The following LRRTM4 variants were observed in gnomAD, a reference collection of about 807,000 sequenced individuals.
The protein encoded by LRRTM4 is leucine-rich repeat transmembrane neuronal protein 4.
Under a neutral mutation model 47.6 loss-of-function variants are expected in LRRTM4, and 25 were observed. That is an observed-to-expected ratio of 0.53 (90% CI 0.38 to 0.73). The LOEUF is 0.73. LRRTM4 is among the 30% of genes least tolerant of loss of function. The probability of loss-of-function intolerance (pLI) is 0.00; values close to 1 mark genes in which losing one functional copy is unlikely to be tolerated. For synonymous variants in LRRTM4, 311 were observed against 269.5 expected (o/e 1.15, Z -1.51); for missense variants, 638 against 713.4 (o/e 0.89, Z 1.20).
Position 77,518,479 on chromosome 2 carries a change from T to G in LRRTM4, c.1390A>C (p.Lys464Gln). 1.2e-6 allele frequency: 2 copies of G among 1,613,420 alleles called. No individual in the cohort carries two copies. Among genetic ancestry groups the G allele is most frequent in the Non-Finnish European group, 1.7e-6 (2 of 1,179,624 alleles). Reference protein sequence around the residue: ...MKQLQQHSLMKRRRKKARESE... With the variant: ...MKQLQQHSLMQRRRKKARESE... ...TCTCTGGCCTTTTTCCGCCGCCTCT[T>G]CATAAGAGAGTGTTGCTGGAGTTGT... is the stretch of plus-strand genomic sequence containing the variant. The change falls in exon 3 of 4, where the codon AAG (lysine) becomes CAG (glutamine). Residue 464 changes from lysine to glutamine, a missense_variant. Lys to Gln is a moderately conservative substitution (Grantham distance 53). Coordinates refer to ENST00000409884, the MANE Select transcript of LRRTM4 (RefSeq NM_001134745.3).
intron 3 of LRRTM4, among the ~76,000 whole-genome samples, chr2:77,254,533 G>A (rs6721709): frequency 0.12 from 18,665 of 151,690 alleles, 3,839 homozygotes; most frequent in African/African-American, 0.42. Flanking sequence ...TAGATAAAAT[G>A]GATCTTTCAC....
At chr2:77,226,975 C>T (rs1674832076) in intron 3 of LRRTM4, among the ~76,000 whole-genome samples, 1 of 151,924 alleles carries the variant, frequency 6.6e-6, no homozygotes, top group Admixed American at 6.6e-5. Context: ...CAATATGTTG[C>T]CTTATACTCT....
chr2:76,871,034 T>G (rs900578499), intron 3 of LRRTM4, among the ~76,000 whole-genome samples: 4 of 152,176 alleles, frequency 2.6e-5, no homozygotes, highest in Admixed American at 6.6e-5. Context: ...CACAATTAGG[T>G]TGCAAAGCAG....
chr2:77,128,142 CA>C (rs112254712), intron 3 of LRRTM4, among the ~76,000 whole-genome samples: 11 of 142,936 alleles, frequency 7.7e-5, no homozygotes, highest in East Asian at 2.0e-4. Context: ...GACTCTGTCT[CA>C]AAAAAAAAAA....
chr2:76,906,919 T>G (rs1248432319), intron 3 of LRRTM4, among the ~76,000 whole-genome samples: 2 of 151,614 alleles, frequency 1.3e-5, no homozygotes, highest in Non-Finnish European at 2.9e-5. Context: ...CACCCCACTG[T>G]CAACATTAGA....
At chr2:77,243,181 G>A (rs985385476) in intron 3 of LRRTM4, among the ~76,000 whole-genome samples, 2 of 152,124 alleles carry the variant, frequency 1.3e-5, no homozygotes, top group Non-Finnish European at 2.9e-5. Context: ...GGGAGGCCGA[G>A]GCGGGTGGAT....
At chr2:76,904,977 G>C (rs1400731487) in intron 3 of LRRTM4, among the ~76,000 whole-genome samples, 1 of 152,090 alleles carries the variant, frequency 6.6e-6, no homozygotes, top group East Asian at 1.9e-4. Context: ...ATTTCCATCT[G>C]AGCATTGAAG....
At chr2:77,478,350 G>A (rs762675644) in intron 3 of LRRTM4, among the ~76,000 whole-genome samples, 5 of 152,148 alleles carry the variant, frequency 3.3e-5, no homozygotes, top group Admixed American at 6.5e-5. Context: ...GACGTAGCTC[G>A]GGTTTCACAA....
Position 76,899,287 on chromosome 2 carries a change from T to C in LRRTM4, c.1552-150371A>G, listed in dbSNP as rs558004458. ...TGCCCTCATGAAACTTAAATTCTAT[T>C]GGAGGGAGAGAAAGACTAATAAACC... On this transcript the variant is annotated intron_variant, in intron 3 of 3. Transcript: ENST00000409884. Among the ~76,000 whole-genome samples the C allele has an allele frequency of 6.1e-5, 9 of 148,360 alleles. No individual in the cohort carries two copies. In the South Asian group the frequency reaches 1.9e-3, roughly 32 times the overall value.
At chr2:77,374,366 G>A (rs1326392486) in intron 3 of LRRTM4, among the ~76,000 whole-genome samples, 1 of 151,758 alleles carries the variant, frequency 6.6e-6, no homozygotes, top group African/African-American at 2.4e-5. Flanking sequence ...TCACAAAGAT[G>A]TTAAAAAATG....
chr2:77,253,876 A>G (rs1675689872), intron 3 of LRRTM4, among the ~76,000 whole-genome samples: 1 of 152,156 alleles, frequency 6.6e-6, no homozygotes, highest in Non-Finnish European at 1.5e-5. Context: ...TGGGACGATT[A>G]CAAAAGATCT....
At chr2:77,188,675 C>T (rs777255382) in intron 3 of LRRTM4, among the ~76,000 whole-genome samples, 4 of 152,162 alleles carry the variant, frequency 2.6e-5, no homozygotes, top group East Asian at 1.9e-4. Flanking sequence ...GGGATGGAGA[C>T]GATAACATCT....
At chr2:77,173,188 T>G (rs1427710454) in intron 3 of LRRTM4, among the ~76,000 whole-genome samples, 2 of 152,196 alleles carry the variant, frequency 1.3e-5, no homozygotes, top group African/African-American at 2.4e-5. Flanking sequence ...TAATTGACCT[T>G]ACAGAATCTG....
chr2:77,472,607 C>G (rs13414417), intron 3 of LRRTM4, among the ~76,000 whole-genome samples: 1 of 151,900 alleles, frequency 6.6e-6, no homozygotes, highest in Non-Finnish European at 1.5e-5. Context: ...GTAGCAGATG[C>G]CCAGTAGTAA....
At chr2:77,296,363 G>A (rs928674250) in intron 3 of LRRTM4, among the ~76,000 whole-genome samples, 1 of 152,064 alleles carries the variant, frequency 6.6e-6, no homozygotes, top group Non-Finnish European at 1.5e-5. Context: ...TTTTGAAGGT[G>A]GGAGATAGCA....
intron 3 of LRRTM4, among the ~76,000 whole-genome samples, chr2:77,259,998 TTGCGAAG>T (rs1675874458): frequency 1.3e-5 from 2 of 151,484 alleles, no homozygotes; most frequent in Admixed American, 1.3e-4. Flanking sequence ...ATGTGGAGAG[TTGCGAAG>T]TGAAAAGAAA....
At chr2:77,387,784 G>A (rs1346660635) in intron 3 of LRRTM4, among the ~76,000 whole-genome samples, 1 of 152,034 alleles carries the variant, frequency 6.6e-6, no homozygotes, top group African/African-American at 2.4e-5. Flanking sequence ...TTAAAAAGCA[G>A]GAAAACGGTA....
chr2:77,001,348 A>C (rs956383686), intron 3 of LRRTM4, among the ~76,000 whole-genome samples: 25 of 152,290 alleles, frequency 1.6e-4, no homozygotes, highest in African/African-American at 5.5e-4. Flanking sequence ...ATCTGAAATG[A>C]TGAATATATT....
At chr2:76,767,371 T>C (rs1251276519) in intron 3 of LRRTM4, among the ~76,000 whole-genome samples, 1 of 152,218 alleles carries the variant, frequency 6.6e-6, no homozygotes, top group African/African-American at 2.4e-5. Flanking sequence ...TTATGTGAAT[T>C]GAAAACTCAT....
Sources: gnomAD v4.1 joint callset for allele counts (sites outside exome capture counted in the v4.1 genomes callset) on GRCh38, gnomAD v4.1.1 for gene constraint, MANE v1.5 for transcripts, NCBI Gene and HGNC (gene_info 2026-07-23, HGNC 2026-07-21) for gene names.